The following GMFB variants were observed in gnomAD, a reference collection of about 807,000 sequenced individuals.
The protein encoded by GMFB is glia maturation factor beta.
Under a neutral mutation model 25.6 loss-of-function variants are expected in GMFB, and 13 were observed. That is an observed-to-expected ratio of 0.51 (90% CI 0.33 to 0.81). GMFB has a LOEUF of 0.81. GMFB is among the 30% of genes least tolerant of loss of function. The probability of loss-of-function intolerance (pLI) is 0.02; values close to 1 mark genes in which losing one functional copy is unlikely to be tolerated. For synonymous variants in GMFB, 57 were observed against 56.9 expected (o/e 1.00, Z 0.00); for missense variants, 146 against 175.4 (o/e 0.83, Z 0.95).
chr14:54,483,031 TG>T (rs2031733538), intron 2 of GMFB: 1 of 152,362 alleles, frequency 6.6e-6, no homozygotes, highest in Admixed American at 6.5e-5. Context: ...CTGTTAAGCA[TG>T]GTCTCTAGAG....
chr14:54,481,180 C>A, intron 4 of GMFB: 1 of 561,766 alleles, frequency 1.8e-6, no homozygotes, highest in Admixed American at 3.3e-5. Context: ...ATTATTTTCT[C>A]AATTTTTATT....
At position 54,482,933 on chromosome 14, in the gene GMFB, C is replaced by T. The variant is rs144336543; in HGVS notation, c.101-731G>A. ...TTTTTCACTTTTAAGAACCATATGT[C>T]GACATTGCAGTATTTATTTATAATG... On this transcript the variant is annotated intron_variant, in intron 2 of 6. Transcript: ENST00000358056. Among the ~76,000 whole-genome samples the T allele has an allele frequency of 2.3e-4, 35 of 151,900 alleles. 1 individual carries two copies. The highest frequency in any genetic ancestry group is 4.3e-4 in the Non-Finnish European group (29 of 67,962).
intron 2 of GMFB, 71 bp from the exon 3 acceptor site, chr14:54,482,273 T>C: frequency 1.1e-6 from 1 of 923,014 alleles, no homozygotes. Context: ...CCACACAATC[T>C]CAGCCTTTTT....
rs142496095 is a variant in GMFB, at chr14:54,488,161, T to A, written c.3+764A>T. Among the ~76,000 whole-genome samples, 48 of 152,342 alleles carry A rather than the reference T, an allele frequency of 3.2e-4. No individual in the cohort carries two copies. The East Asian group carries it at 8.3e-3, about 26-fold the overall frequency. On this transcript the variant is annotated intron_variant, in intron 1 of 6. Coordinates refer to ENST00000358056, the MANE Select transcript of GMFB (RefSeq NM_004124.3). ...GAGAGCAGTGTTTTGTTGTTTCTAA[T>A]GAAATTTACCCATATTTTAAAACCT...
In GMFB at chr14:54,477,370, T is replaced by C. The variant is rs1356353557; in HGVS notation, c.*718A>G. On this transcript the variant is annotated 3_prime_UTR_variant, in exon 7 of 7. Transcript: ENST00000358056. ...CTTTATAAATAAAGTGTTATTAACC[T>C]AGATTCAAAACTGTCTAGAAATGAC... The C allele has an allele frequency of 6.6e-6, 1 of 152,470 alleles. No individual in the cohort carries two copies. The highest frequency in any genetic ancestry group is 1.5e-5 in the Non-Finnish European group (1 of 67,894). The allele number at this position is 152,470 out of a possible 1,614,324, so 9.4% of individuals were successfully genotyped here.
rs2031637382 is a variant in GMFB, at chr14:54,476,150, A to T, written c.*1938T>A. The T allele has an allele frequency of 6.6e-6, 1 of 152,072 alleles. No homozygotes were observed. The highest frequency in any genetic ancestry group is 1.5e-5 in the Non-Finnish European group (1 of 67,922). The allele number at this position is 152,072 out of a possible 1,614,324, so 9.4% of individuals were successfully genotyped here. ...AGCTCAAAAAAGCATGGTTTATCACAGCTCTTTGCTCCTGTTAAAGACAGT... is the reference window on the plus strand; with the variant it reads ...AGCTCAAAAAAGCATGGTTTATCACTGCTCTTTGCTCCTGTTAAAGACAGT... On this transcript the variant is annotated 3_prime_UTR_variant, in exon 7 of 7. Coordinates refer to ENST00000358056, the MANE Select transcript of GMFB (RefSeq NM_004124.3).
intron 6 of GMFB, chr14:54,479,524 A>G (rs113912353): frequency 1.0e-4 from 39 of 374,076 alleles, no homozygotes; most frequent in African/African-American, 8.2e-4. Flanking sequence ...CTCTCAATAG[A>G]TTTAATAGTT....
chr14:54,480,817 T>G, intron 5 of GMFB, 57 bp downstream of exon 5: 1 of 848,488 alleles, frequency 1.2e-6, no homozygotes, highest in Non-Finnish European at 2.0e-6. Context: ...TTGTCTAGTA[T>G]AAAATGGCTT....
At chr14:54,485,542 C>G (rs1364877409) in intron 1 of GMFB, among the ~76,000 whole-genome samples, 1 of 152,052 alleles carries the variant, frequency 6.6e-6, no homozygotes, top group Non-Finnish European at 1.5e-5. Context: ...TGGAAAGATT[C>G]CAAGCTCATG....
In GMFB at chr14:54,474,796, A is replaced by T. The variant is rs914868600; in HGVS notation, c.*3292T>A. The stretch of plus-strand genomic sequence containing the variant: ...ATGAATTATAATCCAAAAAGCAATA[A>T]AATACAATTTCTATCACAAGTTTAC... On this transcript the variant is annotated 3_prime_UTR_variant, in exon 7 of 7. Coordinates refer to ENST00000358056, the MANE Select transcript of GMFB (RefSeq NM_004124.3). The T allele has an allele frequency of 6.6e-6, 1 of 152,650 alleles. No individual in the cohort carries two copies. Among genetic ancestry groups the T allele is most frequent in the Admixed American group, 6.5e-5 (1 of 15,282 alleles). 9.5% of individuals were successfully genotyped at this position (152,650 alleles called of 1,614,324 possible). A position where few individuals can be genotyped will look rare whatever the true frequency, so the allele number is the denominator to read the frequency against.
chr14:54,485,790 A>G (rs528228529), intron 1 of GMFB, among the ~76,000 whole-genome samples: 79 of 152,388 alleles, frequency 5.2e-4, no homozygotes, highest in Non-Finnish European at 8.8e-4. Context: ...TGATCCTGGC[A>G]TAAAACCACA....
Position 54,477,856 on chromosome 14 carries a change from G to A in GMFB, c.*232C>T, listed in dbSNP as rs1168310039. 2.8e-6 allele frequency: 1 copy of A among 359,672 alleles called. No homozygotes were observed. The highest frequency in any genetic ancestry group is 5.1e-6 in the Non-Finnish European group (1 of 196,392). The allele number at this position is 359,672 out of a possible 1,614,324, so 22.3% of individuals were successfully genotyped here. A position where few individuals can be genotyped will look rare whatever the true frequency, so the allele number is the denominator to read the frequency against. ...GTCACAAGAGTGCAAAAAGTCCCTG[G>A]AGAAAAGTAGTCCACCTAACAATTA... On this transcript the variant is annotated 3_prime_UTR_variant, in exon 7 of 7. Coordinates refer to ENST00000358056, the MANE Select transcript of GMFB (RefSeq NM_004124.3).
intron 6 of GMFB, 42 bp downstream of exon 6, chr14:54,479,744 G>A: frequency 2.5e-6 from 3 of 1,183,866 alleles, no homozygotes; most frequent in Non-Finnish European, 2.5e-6. Context: ...ATAGTCTAAA[G>A]GAAAATATTG....
At chr14:54,487,266 T>G (rs2031798427) in intron 1 of GMFB, among the ~76,000 whole-genome samples, 1 of 150,594 alleles carries the variant, frequency 6.6e-6, no homozygotes, top group Non-Finnish European at 1.5e-5. Context: ...GCGCGGTGGC[T>G]CACGCCTGTA....
In GMFB at chr14:54,475,421, AT is replaced by A. The variant is rs980467090; in HGVS notation, c.*2666del. The A allele has an allele frequency of 7.2e-5, 11 of 152,630 alleles. No homozygotes were observed. Among genetic ancestry groups the A allele is most frequent in the African/African-American group, 2.7e-4 (11 of 41,472 alleles). 9.5% of individuals were successfully genotyped at this position (152,630 alleles called of 1,614,324 possible). On this transcript the variant is annotated 3_prime_UTR_variant, in exon 7 of 7. Coordinates refer to ENST00000358056, the MANE Select transcript of GMFB (RefSeq NM_004124.3). ...GATTATTTAGTAATGACAGTAAAAA[AT>A]TTAGCAACACACACTTAAACAAGAG...
In GMFB at chr14:54,480,754, C is replaced by T. The variant is rs1037771588; in HGVS notation, c.283+120G>A. 30 of 629,424 alleles carry T rather than the reference C, an allele frequency of 4.8e-5. No homozygotes were observed. In the African/African-American group the frequency reaches 4.9e-4, roughly 10 times the overall value. The allele number at this position is 629,424 out of a possible 1,614,324, so 39.0% of individuals were successfully genotyped here. ...CACATGGACACACATAGACACAGAC[C>T]CTCCTCAATTTAGGTTATTCAACAA... On this transcript the variant is annotated intron_variant, in intron 5 of 6. Coordinates refer to ENST00000358056, the MANE Select transcript of GMFB (RefSeq NM_004124.3).
At chr14:54,482,978 G>A (rs2031732619) in intron 2 of GMFB, 1 of 151,980 alleles carries the variant, frequency 6.6e-6, no homozygotes, top group Non-Finnish European at 1.5e-5. Context: ...TTCATGACAA[G>A]TTGTCATGAC....
At chr14:54,486,174 CG>C (rs1282818962) in intron 1 of GMFB, among the ~76,000 whole-genome samples, 1 of 152,032 alleles carries the variant, frequency 6.6e-6, no homozygotes, top group Admixed American at 6.5e-5. Flanking sequence ...CGCTTGAACC[CG>C]GGAGGCTGAG....
In GMFB at chr14:54,477,575, T is replaced by C. The variant is rs971050042; in HGVS notation, c.*513A>G. ...AAAAGATACAGGAAACCAAAGAAGA[T>C]ACAGAATTCATCAATGTACTTGTAA... On this transcript the variant is annotated 3_prime_UTR_variant, in exon 7 of 7. Transcript: ENST00000358056. 1.3e-5 allele frequency: 2 copies of C among 152,068 alleles called. No individual in the cohort carries two copies. Among genetic ancestry groups the C allele is most frequent in the Admixed American group, 6.6e-5 (1 of 15,266 alleles). The allele number at this position is 152,068 out of a possible 1,614,324, so 9.4% of individuals were successfully genotyped here.
Sources: allele counts gnomAD v4.1 joint callset (sites outside exome capture counted in the v4.1 genomes callset), GRCh38; gene constraint gnomAD v4.1.1; transcripts MANE v1.5; gene names NCBI Gene and HGNC (gene_info 2026-07-23, HGNC 2026-07-21).